The following RECQL5 variants were observed in gnomAD, a reference collection of about 807,000 sequenced individuals.
RECQL5 encodes the protein RecQ like helicase 5, also known as ATP-dependent DNA helicase Q5.
RECQL5 carries 88 observed loss-of-function variants against 103.4 expected under a neutral mutation model. The ratio of observed to expected loss-of-function variants is 0.85; its 90% confidence interval spans 0.72 to 1.02. RECQL5 has a LOEUF of 1.02. Ranked by LOEUF, RECQL5 falls within the 50% of genes least tolerant of loss-of-function variation. RECQL5 has a pLI of 0.00. For synonymous variants in RECQL5, 552 were observed against 507.9 expected (o/e 1.09, Z -1.17); for missense variants, 1,232 against 1,284.3 (o/e 0.96, Z 0.62).
intron 4 of RECQL5, 44 bp from the exon 5 acceptor site, chr17:75,661,752 GAAC>G: frequency 2.1e-6 from 3 of 1,431,232 alleles, no homozygotes; most frequent in South Asian, 2.3e-5. Flanking sequence ...AGCAAGAACA[GAAC>G]AATAGGCCCA....
rs56158987 is a variant in RECQL5 at position 75,630,842 on chromosome 17, G to GT, written c.1586-6_1586-5insA. The stretch of plus-strand genomic sequence containing the variant: ...CTTTCAGGGGACAGTTCTCATCTGT[G>GT]GGGGGGGGGGGTGGTCCTTGGTCCT... On this transcript the variant is annotated splice_region_variant and splice_polypyrimidine_tract_variant and intron_variant, in intron 11 of 19. Coordinates refer to ENST00000317905, the MANE Select transcript of RECQL5 (RefSeq NM_004259.7). The GT allele has an allele frequency of 0.59, 741,763 of 1,254,226 alleles. 196,727 individuals carry two copies. Among genetic ancestry groups the GT allele is most frequent in the East Asian group, 0.62 (18,419 of 29,750 alleles). 77.7% of individuals were successfully genotyped at this position (1,254,226 alleles called of 1,614,324 possible). A position where few individuals can be genotyped will look rare whatever the true frequency, so the allele number is the denominator to read the frequency against.
Position 75,627,395 on chromosome 17 carries a change from C to T in RECQL5, c.*27G>A, listed in dbSNP as rs750951466. 1.5e-5 allele frequency: 23 copies of T among 1,576,958 alleles called. 1 individual carries two copies. Among genetic ancestry groups the T allele is most frequent in the South Asian group, 7.7e-5 (7 of 90,332 alleles). On this transcript the variant is annotated 3_prime_UTR_variant, in exon 20 of 20. Transcript: ENST00000317905. The stretch of plus-strand genomic sequence containing the variant: ...ACCCATGCTAGAATCTGGGGGAGGA[C>T]GCGGGCCCTGCCCAGCCAGCAGTTG...
At position 75,661,708 on chromosome 17, in the gene RECQL5, A is replaced by G. The variant is rs1286798123; in HGVS notation, c.772T>C (p.Leu258=). Residue 258 remains leucine, a splice_region_variant and synonymous_variant, in exon 5 of 20, where the codon TTA becomes CTA. Transcript: ENST00000317905. ...CAGTACACAATGCCGCAGCCAGATA[A>G]CTGAATGGGGAGATGCAGGAAGAAA... is the stretch of plus-strand genomic sequence containing the variant. ...KALGQEADKG[L]SGCGIVYCRT... 1 of 1,611,760 alleles carries G rather than the reference A, an allele frequency of 6.2e-7. No individual in the cohort carries two copies. Among genetic ancestry groups the G allele is most frequent in the Non-Finnish European group, 8.5e-7 (1 of 1,177,900 alleles).
At position 75,667,123 on chromosome 17, in the gene RECQL5, C is replaced by G. The variant is rs2059798746; in HGVS notation, c.-94G>C. 1 of 522,302 alleles carries G rather than the reference C, an allele frequency of 1.9e-6. No homozygotes were observed. The highest frequency in any genetic ancestry group is 3.4e-6 in the Non-Finnish European group (1 of 291,976). The allele number at this position is 522,302 out of a possible 1,614,324, so 32.4% of individuals were successfully genotyped here. ...TGTTCGAAGACCCCTATACACAACC[C>G]CAACTCAGAGAAGCCAAAGCGCTGG... On this transcript the variant is annotated 5_prime_UTR_variant, in exon 1 of 20. Transcript: ENST00000317905.
chr17:75,656,466 G>A (rs1173270430), intron 7 of RECQL5, among the ~76,000 whole-genome samples: 1 of 148,908 alleles, frequency 6.7e-6, no homozygotes, highest in African/African-American at 2.5e-5. Flanking sequence ...TGTAAATTAA[G>A]TTTTTTTTTT....
rs751165792 is a variant in RECQL5 at position 75,641,323 on chromosome 17, C to T, written c.1230-9655G>A. ...GGCTTTGTGCAATAGCTTCTGCATC[C>T]GAGCTCCCGCCAGAGCGTGAGCATG... is the stretch of plus-strand genomic sequence containing the variant. On this transcript the variant is annotated intron_variant, in intron 8 of 19. Coordinates refer to ENST00000317905, the MANE Select transcript of RECQL5 (RefSeq NM_004259.7). 6.6e-5 allele frequency: 11 copies of T among 166,484 alleles called. 1 individual carries two copies. Among genetic ancestry groups the T allele is most frequent in the Admixed American group, 1.7e-4 (3 of 17,282 alleles). 10.3% of individuals were successfully genotyped at this position (166,484 alleles called of 1,614,324 possible).
chr17:75,661,104 T>C, intron 5 of RECQL5, 38 bp from the exon 6 acceptor site: 1 of 1,532,448 alleles, frequency 6.5e-7, no homozygotes, highest in Non-Finnish European at 9.0e-7. Context: ...GAACTCACAT[T>C]TCCCTTGGGT....
chr17:75,644,070 G>C (rs960804363), intron 8 of RECQL5, among the ~76,000 whole-genome samples: 4 of 152,140 alleles, frequency 2.6e-5, no homozygotes, highest in Non-Finnish European at 5.9e-5. Context: ...TTGGGAGGCT[G>C]AGGCAGGCAG....
At chr17:75,660,857 C>T (rs534524652) in intron 6 of RECQL5, 98 bp downstream of exon 6, 23 of 884,836 alleles carry the variant, frequency 2.6e-5, no homozygotes, top group South Asian at 1.7e-4. Context: ...CTCTAGCCCT[C>T]GAAGGAGCAC....
rs768907988 is a variant in RECQL5, at chr17:75,661,032, G to A, written c.909C>T (p.Asn303=). 3.7e-6 allele frequency: 6 copies of A among 1,614,084 alleles called. No individual in the cohort carries two copies. In the African/African-American group the frequency reaches 4.0e-5, roughly 11 times the overall value. Residue 303 remains asparagine (N), a synonymous_variant, in exon 6 of 20, where the codon AAC becomes AAT. Transcript: ENST00000317905. ...CAGGGACCTTCTCCTCCATCCAGTC[G>A]TTCTGCACCAGCGTTCTTTCAGAGG... ...LKASERTLVQ[N]DWMEEKVPVI...
At position 75,631,367 on chromosome 17, in the gene RECQL5, G is replaced by A. The variant is rs113039420; in HGVS notation, c.1448+83C>T. Reference sequence around the variant, plus strand: ...CAGCTCAAGGGGGGATTGCGGCATCGTGCCACCTCTGGTCTGGCCCTGGCG... The same window carrying A: ...CAGCTCAAGGGGGGATTGCGGCATCATGCCACCTCTGGTCTGGCCCTGGCG... On this transcript the variant is annotated intron_variant, in intron 9 of 19. Transcript: ENST00000317905. 614 of 1,538,430 alleles carry A rather than the reference G, an allele frequency of 4.0e-4. 7 individuals carry two copies. The African/African-American group carries it at 6.6e-3, about 17-fold the overall frequency.
chr17:75,664,930 A>AAG, intron 3 of RECQL5, 121 bp downstream of exon 3: 1 of 1,251,228 alleles, frequency 8.0e-7, no homozygotes. Flanking sequence ...AAAAAAAAAA[A>AAG]GGAAAAAGAA....
rs200289923 is a variant in RECQL5, at chr17:75,644,448, T to TA, written c.1229+6737dup. 8.2e-3 allele frequency among the ~76,000 whole-genome samples: 1,232 copies of TA among 150,300 alleles called. 12 individuals are homozygous for TA. The highest frequency in any genetic ancestry group is 0.026 in the African/African-American group (1,059 of 40,932). ...TGGGGAGACCCTGTCCCTACAAATA[T>TA]AAAAAAAAATTAGCCAGGTGTGGTA... On this transcript the variant is annotated intron_variant, in intron 8 of 19. Transcript: ENST00000317905.
chr17:75,634,158 C>T (rs1432694707), intron 8 of RECQL5: 23 of 985,362 alleles, frequency 2.3e-5, no homozygotes, highest in South Asian at 4.7e-5. Context: ...GTGGAGGCTC[C>T]GCGCTGGGGC....
At chr17:75,650,308 C>G in intron 8 of RECQL5, 2 of 1,038,884 alleles carry the variant, frequency 1.9e-6, no homozygotes, top group South Asian at 8.1e-5. Context: ...CCAGAAGCCA[C>G]CGACTCACTG....
At chr17:75,633,116 C>G (rs2059250861) in intron 8 of RECQL5, among the ~76,000 whole-genome samples, 1 of 152,270 alleles carries the variant, frequency 6.6e-6, no homozygotes, top group African/African-American at 2.4e-5. Flanking sequence ...TGCCCCCACT[C>G]TGCTCCAATG....
rs2059275450 is a variant in RECQL5 at position 75,634,170 on chromosome 17, C to T, written c.1230-2502G>A. On this transcript the variant is annotated intron_variant, in intron 8 of 19. Transcript: ENST00000317905. ...CACGTGGAGGCTCCGCGCTGGGGCA[C>T]TGCTGCTCAGCCCCCAACACCTGAG... 2.7e-5 allele frequency: 27 copies of T among 985,408 alleles called. No homozygotes were observed. The South Asian group carries it at 1.1e-3, about 39-fold the overall frequency. 61.0% of individuals were successfully genotyped at this position (985,408 alleles called of 1,614,324 possible). A position where few individuals can be genotyped will look rare whatever the true frequency, so the allele number is the denominator to read the frequency against.
intron 14 of RECQL5, 111 bp downstream of exon 14, chr17:75,630,073 G>T: frequency 1.0e-6 from 1 of 1,003,322 alleles, no homozygotes; most frequent in South Asian, 1.7e-5. Flanking sequence ...GGGGTGGGCT[G>T]GGGAGGGTGA....
In RECQL5 at chr17:75,627,483, T is replaced by C. The variant is rs771821698; in HGVS notation, c.2915A>G (p.His972Arg). 25 of 1,613,728 alleles carry C rather than the reference T, an allele frequency of 1.5e-5. No homozygotes were observed. The East Asian group carries it at 2.9e-4, about 19-fold the overall frequency. Reference sequence around the variant, plus strand: ...TTCGCTCTCGCACCGGGCCCGGCCATGGAAGAAGTGCCTGATGAGGTTCTG... The same window carrying C: ...TTCGCTCTCGCACCGGGCCCGGCCACGGAAGAAGTGCCTGATGAGGTTCTG... ...EAQNLIRHFF[H>R]GRARCESEAD... Residue 972 changes from histidine (H) to arginine (R), a missense_variant, in exon 20 of 20, where the codon CAT becomes CGT. By Grantham distance (29) the His-to-Arg change is conservative. Transcript: ENST00000317905.
Sources: allele counts gnomAD v4.1 joint callset (sites outside exome capture counted in the v4.1 genomes callset), GRCh38; gene constraint gnomAD v4.1.1; transcripts MANE v1.5; gene names NCBI Gene and HGNC (gene_info 2026-07-23, HGNC 2026-07-21).